Variants in KCND2 observed in about 807,000 individuals in gnomAD.
KCND2 encodes potassium voltage-gated channel subfamily D member 2.
A neutral mutation model predicts 54.4 loss-of-function variants in KCND2; 16 were observed. The ratio of observed to expected loss-of-function variants is 0.29; its 90% CI spans 0.20 to 0.45. KCND2 has a LOEUF of 0.45. Ranked by LOEUF, KCND2 falls within the 20% of genes least tolerant of loss-of-function variation. The pLI is 1.00. For synonymous variants in KCND2, 317 were observed against 310.7 expected, an observed-to-expected ratio of 1.02 and a Z score of -0.21; for missense variants, 486 against 824.2, an observed-to-expected ratio of 0.59 and a Z score of 5.02.
chr7:120,543,330 G>A (rs1792004756), intron 1 of KCND2, among the ~76,000 whole-genome samples: 1 of 151,002 alleles, frequency 6.6e-6, no homozygotes, highest in African/African-American at 2.4e-5. Flanking sequence ...GCCTGTTTTT[G>A]TCTTCTTTGG....
At chr7:120,729,419 A>G (rs753770044) in intron 1 of KCND2, among the ~76,000 whole-genome samples, 1 of 152,202 alleles carries the variant, frequency 6.6e-6, no homozygotes, top group African/African-American at 2.4e-5. Context: ...AGTAATGTAA[A>G]TTGTACCAAG....
At chr7:120,407,545 T>C (rs567338750) in intron 1 of KCND2, among the ~76,000 whole-genome samples, 38 of 151,940 alleles carry the variant, frequency 2.5e-4, no homozygotes, top group Non-Finnish European at 3.1e-4. Flanking sequence ...TTGGATAATA[T>C]ACTCTCCTTT....
intron 1 of KCND2, among the ~76,000 whole-genome samples, chr7:120,567,277 A>G (rs891502724): frequency 2.0e-5 from 3 of 152,206 alleles, no homozygotes; most frequent in African/African-American, 7.2e-5. Context: ...GGACAGTCAT[A>G]TGTAATTATA....
intron 1 of KCND2, among the ~76,000 whole-genome samples, chr7:120,643,515 G>A (rs1793402507): frequency 6.6e-6 from 1 of 152,128 alleles, no homozygotes; most frequent in East Asian, 1.9e-4. Flanking sequence ...CATTTTGAAT[G>A]TTTATGAGGG....
At chr7:120,519,359 A>G (rs1803247516) in intron 1 of KCND2, among the ~76,000 whole-genome samples, 1 of 152,116 alleles carries the variant, frequency 6.6e-6, no homozygotes, top group Non-Finnish European at 1.5e-5. Context: ...AAACAAAAAC[A>G]AAAACAAAAC....
rs1406786744 is a variant in KCND2, at chr7:120,748,704, T to G, written c.*846T>G. On this transcript the variant is annotated 3_prime_UTR_variant, in exon 6 of 6. Transcript: ENST00000331113. ...AGAGCCACATTCGTAGAAAAACTTCTGGTGTGGCCAGGTTTTAGGTAACTT... is the reference window on the plus strand; with the variant it reads ...AGAGCCACATTCGTAGAAAAACTTCGGGTGTGGCCAGGTTTTAGGTAACTT... 6.6e-6 allele frequency: 1 copy of G among 152,378 alleles called. No homozygotes were observed. The highest frequency in any genetic ancestry group is 2.4e-5 in the African/African-American group (1 of 41,450). The allele number at this position is 152,378 out of a possible 1,614,324, so 9.4% of individuals were successfully genotyped here.
At chr7:120,547,473 C>G (rs958960745) in intron 1 of KCND2, among the ~76,000 whole-genome samples, 1 of 151,832 alleles carries the variant, frequency 6.6e-6, no homozygotes, top group Non-Finnish European at 1.5e-5. Flanking sequence ...ATTGCTCTGG[C>G]AAAATGACAA....
intron 1 of KCND2, among the ~76,000 whole-genome samples, chr7:120,504,487 C>A (rs1230728126): frequency 6.6e-6 from 1 of 151,714 alleles, no homozygotes; most frequent in Non-Finnish European, 1.5e-5. Context: ...ATTTACAATG[C>A]TTGTCCTTCA....
At chr7:120,302,730 A>G (rs1799604933) in intron 1 of KCND2, among the ~76,000 whole-genome samples, 1 of 152,202 alleles carries the variant, frequency 6.6e-6, no homozygotes, top group South Asian at 2.1e-4. Flanking sequence ...ACTTGTGTAC[A>G]AACTGTATTT....
intron 1 of KCND2, among the ~76,000 whole-genome samples, chr7:120,469,113 TTAC>T (rs1257454971): frequency 6.6e-6 from 1 of 152,118 alleles, no homozygotes; most frequent in Non-Finnish European, 1.5e-5. Context: ...AATTGAAAAC[TTAC>T]TAACTTTTGA....
intron 1 of KCND2, among the ~76,000 whole-genome samples, chr7:120,628,596 G>T (rs958803571): frequency 3.9e-5 from 6 of 152,176 alleles, no homozygotes; most frequent in African/African-American, 1.4e-4. Context: ...AACTAAGAAT[G>T]CTGTTTCTCT....
rs868085346 is a variant in KCND2 at position 120,352,475 on chromosome 7, C to T, written c.1115+76728C>T. On this transcript the variant is annotated intron_variant, in intron 1 of 5. Coordinates refer to ENST00000331113, the MANE Select transcript of KCND2 (RefSeq NM_012281.3). ...ACACATACATACACACACACACACA[C>T]ACACACACACACACACACACACAAC... 5.3e-5 allele frequency among the ~76,000 whole-genome samples: 8 copies of T among 151,228 alleles called. No homozygotes were observed. In the South Asian group the frequency reaches 1.0e-3, roughly 20 times the overall value.
chr7:120,356,473 G>A lies in KCND2; in HGVS notation c.1115+80726G>A, dbSNP rs114000265. Among the ~76,000 whole-genome samples the A allele has an allele frequency of 9.1e-3, 1,389 of 152,144 alleles. 27 individuals are homozygous for A. The highest frequency in any genetic ancestry group is 0.031 in the African/African-American group (1,303 of 41,508). On this transcript the variant is annotated intron_variant, in intron 1 of 5. Transcript: ENST00000331113. ...AAATACTTTGAATGATCATATGTCC[G>A]GCAGTAGTATATCATGTTAGGTGAG...
chr7:120,339,186 C>T (rs374875868), intron 1 of KCND2, among the ~76,000 whole-genome samples: 5 of 151,814 alleles, frequency 3.3e-5, no homozygotes, highest in African/African-American at 7.3e-5. Flanking sequence ...CCACAGCGCC[C>T]GGCCCCTTGC....
intron 3 of KCND2, chr7:120,742,202 A>C: frequency 2.9e-6 from 1 of 344,932 alleles, no homozygotes; most frequent in Non-Finnish European, 5.5e-6. Context: ...TCTAAGCACT[A>C]TGCTAAATTT....
chr7:120,553,378 T>A (rs960718726), intron 1 of KCND2, among the ~76,000 whole-genome samples: 6 of 152,354 alleles, frequency 3.9e-5, no homozygotes, highest in Admixed American at 3.3e-4. Flanking sequence ...TAGCTGTATC[T>A]AAGATAGATA....
chr7:120,710,410 A>C (rs1005763277), intron 1 of KCND2, among the ~76,000 whole-genome samples: 3 of 152,162 alleles, frequency 2.0e-5, no homozygotes, highest in Non-Finnish European at 4.4e-5. Flanking sequence ...ATTGAAATTG[A>C]ACAAAAGTTG....
intron 1 of KCND2, among the ~76,000 whole-genome samples, chr7:120,377,563 GAA>G (rs34883321): frequency 6.7e-6 from 1 of 150,102 alleles, no homozygotes; most frequent in Non-Finnish European, 1.5e-5. Context: ...CTCACCCCAA[GAA>G]AAAAAAAAGA....
At chr7:120,499,856 T>G (rs1802907085) in intron 1 of KCND2, among the ~76,000 whole-genome samples, 1 of 152,174 alleles carries the variant, frequency 6.6e-6, no homozygotes, top group Non-Finnish European at 1.5e-5. Context: ...ACTTTTATCT[T>G]CATCTTATTT....
Sources: allele counts gnomAD v4.1 joint callset (sites outside exome capture counted in the v4.1 genomes callset), GRCh38; gene constraint gnomAD v4.1.1; transcripts MANE v1.5; gene names NCBI Gene and HGNC (gene_info 2026-07-23, HGNC 2026-07-21).